CALCR: variants seen among roughly 807,000 people sequenced by gnomAD.
CALCR encodes calcitonin receptor.
In CALCR, 47 loss-of-function variants were observed where a neutral mutation model predicts 59.5. The observed-to-expected ratio is 0.79, with a 90% CI of 0.63 to 1.01. CALCR has a LOEUF of 1.01. CALCR is among the 50% of genes least tolerant of loss of function. The pLI is 0.00. For missense variants in CALCR, 566 were observed against 597.1 expected (o/e 0.95, Z 0.54); for synonymous variants, 213 against 211.3 (o/e 1.01, Z -0.07).
chr7:93,529,586 T>G (rs149327019), intron 2 of CALCR, among the ~76,000 whole-genome samples: 50 of 152,286 alleles, frequency 3.3e-4, no homozygotes, highest in Non-Finnish European at 6.2e-4. Context: ...TTCATTTATT[T>G]TTAAATCAGG....
At chr7:93,522,012 T>C (rs1251557978) in intron 2 of CALCR, among the ~76,000 whole-genome samples, 2 of 152,110 alleles carry the variant, frequency 1.3e-5, no homozygotes, top group African/African-American at 4.8e-5. Context: ...TTTTGTTTTG[T>C]TTTTTTGAAC....
chr7:93,438,622 T>C (rs1440201341), intron 9 of CALCR, among the ~76,000 whole-genome samples: 1 of 152,180 alleles, frequency 6.6e-6, no homozygotes, highest in Non-Finnish European at 1.5e-5. Context: ...TGAACTGGCC[T>C]CTCTTATGGA....
rs1437603365 is a variant in CALCR at position 93,459,470 on chromosome 7, C to T, written c.648+1351G>A. Among the ~76,000 whole-genome samples the T allele has an allele frequency of 3.9e-5, 6 of 152,080 alleles. No homozygotes were observed. The East Asian group carries it at 1.2e-3, about 29-fold the overall frequency. ...TCTGGTTTTTGTTAGTTTGTAATAC[C>T]AGGGACTGATATCAATGAAAAAGCA... On this transcript the variant is annotated intron_variant, in intron 8 of 13. Transcript: ENST00000426151.
chr7:93,567,813 G>A (rs1196732692), intron 2 of CALCR, among the ~76,000 whole-genome samples: 2 of 151,806 alleles, frequency 1.3e-5, no homozygotes, highest in East Asian at 3.9e-4. Context: ...CCTTGTGATA[G>A]TTTGCTGAGA....
At chr7:93,543,908 T>G (rs1789211876) in intron 2 of CALCR, among the ~76,000 whole-genome samples, 2 of 152,132 alleles carry the variant, frequency 1.3e-5, no homozygotes, top group African/African-American at 4.8e-5. Flanking sequence ...AATTAGTACT[T>G]AGGGTATATT....
intron 6 of CALCR, 46 bp from the exon 7 acceptor site, chr7:93,468,852 A>ATTGT: frequency 8.9e-7 from 1 of 1,128,602 alleles, no homozygotes; most frequent in Non-Finnish European, 1.3e-6. Context: ...TGAATGATTC[A>ATTGT]TCAGAGAGAA....
At chr7:93,565,488 AAC>A (rs1477094076) in intron 2 of CALCR, among the ~76,000 whole-genome samples, 1 of 152,244 alleles carries the variant, frequency 6.6e-6, no homozygotes, top group Non-Finnish European at 1.5e-5. Context: ...TCACTAAAAT[AAC>A]ACATCTAATT....
intron 2 of CALCR, among the ~76,000 whole-genome samples, chr7:93,562,698 T>G (rs910367863): frequency 6.6e-6 from 1 of 152,214 alleles, no homozygotes; most frequent in Admixed American, 6.5e-5. Flanking sequence ...GCTGGAAGAT[T>G]CTGGACAGTG....
chr7:93,574,724 T>C lies in CALCR; in HGVS notation c.-277A>G, dbSNP rs1230611692. 1 of 152,322 alleles carries C rather than the reference T, an allele frequency of 6.6e-6. No individual in the cohort carries two copies. Among genetic ancestry groups the C allele is most frequent in the African/African-American group, 2.4e-5 (1 of 41,430 alleles). The allele number at this position is 152,322 out of a possible 1,614,324, so 9.4% of individuals were successfully genotyped here. A position where few individuals can be genotyped will look rare whatever the true frequency, so the allele number is the denominator to read the frequency against. On this transcript the variant is annotated 5_prime_UTR_variant, in exon 1 of 14. Transcript: ENST00000426151. Reference sequence around the variant, plus strand: ...GCGCCTTCCTGCGCTCTCCCAGCTGTGAAGCTGTGCGCAAACTTCTCCTGA... The same window carrying C: ...GCGCCTTCCTGCGCTCTCCCAGCTGCGAAGCTGTGCGCAAACTTCTCCTGA...
At chr7:93,431,259 A>G (rs1003061159) in intron 13 of CALCR, among the ~76,000 whole-genome samples, 2 of 152,220 alleles carry the variant, frequency 1.3e-5, no homozygotes, top group South Asian at 2.1e-4. Flanking sequence ...CCTCCATTAC[A>G]TCAAGTTTTT....
intron 3 of CALCR, among the ~76,000 whole-genome samples, chr7:93,485,021 C>G (rs577578595): frequency 6.1e-4 from 92 of 151,778 alleles, no homozygotes; most frequent in African/African-American, 2.2e-3. Context: ...TCACAACAAT[C>G]TATTGTCTAA....
At chr7:93,434,084 T>C (rs1479704584) in intron 13 of CALCR, among the ~76,000 whole-genome samples, 169 bp downstream of exon 13, 2 of 152,206 alleles carry the variant, frequency 1.3e-5, no homozygotes, top group African/African-American at 4.8e-5. Flanking sequence ...TACACATCCA[T>C]GGATAAGATT....
chr7:93,446,488 C>T (rs1176582391), intron 8 of CALCR, among the ~76,000 whole-genome samples: 1 of 151,852 alleles, frequency 6.6e-6, no homozygotes, highest in Non-Finnish European at 1.5e-5. Flanking sequence ...AATCCTGTGC[C>T]CAAGATATTC....
chr7:93,509,266 C>G (rs544228100), intron 2 of CALCR, among the ~76,000 whole-genome samples: 2 of 152,228 alleles, frequency 1.3e-5, no homozygotes, highest in South Asian at 4.1e-4. Context: ...GAAGTCTTAC[C>G]TTTCACTACT....
chr7:93,482,960 T>A, intron 3 of CALCR: 2 of 486,146 alleles, frequency 4.1e-6, no homozygotes, highest in Non-Finnish European at 8.3e-6. Context: ...AGTAGATGAA[T>A]GTCTCAGTGG....
chr7:93,433,233 C>A (rs1799696365), intron 13 of CALCR, among the ~76,000 whole-genome samples: 1 of 152,104 alleles, frequency 6.6e-6, no homozygotes, highest in Non-Finnish European at 1.5e-5. Flanking sequence ...TAGCAACTGA[C>A]AATGGCTAGA....
chr7:93,463,331 C>A (rs2115819262), intron 7 of CALCR, among the ~76,000 whole-genome samples: 1 of 151,608 alleles, frequency 6.6e-6, no homozygotes, highest in African/African-American at 2.4e-5. Context: ...TCATTGGAAA[C>A]ACAGAGAAAA....
At chr7:93,429,075 T>C (rs1311043431) in intron 13 of CALCR, among the ~76,000 whole-genome samples, 1 of 152,228 alleles carries the variant, frequency 6.6e-6, no homozygotes, top group Non-Finnish European at 1.5e-5. Flanking sequence ...TAAAAGTTAT[T>C]ATTACAGAAA....
intron 2 of CALCR, among the ~76,000 whole-genome samples, chr7:93,519,952 A>G (rs1584602705): frequency 6.6e-6 from 1 of 151,998 alleles, no homozygotes; most frequent in African/African-American, 2.4e-5. Flanking sequence ...TTTCCTCTAT[A>G]AATTACCCAG....
Sources: allele counts gnomAD v4.1 joint callset (sites outside exome capture counted in the v4.1 genomes callset), GRCh38; gene constraint gnomAD v4.1.1; transcripts MANE v1.5; gene names NCBI Gene and HGNC (gene_info 2026-07-23, HGNC 2026-07-21).